The following CHD1L variants were observed in gnomAD, a reference collection of about 807,000 sequenced individuals.
The protein encoded by CHD1L is ATP-dependent chromatin remodeler CHD1L.
A neutral mutation model predicts 115.9 loss-of-function variants in CHD1L; 118 were observed. That is an observed-to-expected ratio of 1.02 (90% confidence interval 0.88 to 1.19). The LOEUF is 1.19. Among genes scored for constraint, CHD1L ranks in the 50% most tolerant of loss-of-function variants. The pLI is 0.00. For missense variants in CHD1L, 1,179 were observed against 1,065.3 expected, an observed-to-expected ratio of 1.11 and a Z score of -1.49; for synonymous variants, 411 against 387.1, an observed-to-expected ratio of 1.06 and a Z score of -0.72.
At chr1:147,191,786 G>C in the CHD1L span, among the ~76,000 whole-genome samples, 10 of 151,976 alleles carry the variant, frequency 6.6e-5, no homozygotes, top group Admixed American at 5.9e-4. Context: ...CCCATTTCTT[G>C]TTTTTGTCAG....
chr1:147,280,159 C>T lies in CHD1L; in HGVS notation c.1673C>T (p.Ala558Val), dbSNP rs1559853518. ...TGGGTCTCTGATGCCTTGCCTGCAG[C>T]AGAAGGAGGGAGCAGAGATCAAGAG... ...GQWVSDALPA[A>V]EGGSRDQEEG... Residue 558 changes from alanine (A) to valine (V), a missense_variant, in exon 15 of 23, where the codon GCA becomes GTA. Physicochemically the swap from Ala to Val is moderately conservative, Grantham distance 64 (BLOSUM62 0). Transcript: ENST00000369258. 1.9e-6 allele frequency: 3 copies of T among 1,610,684 alleles called. No individual in the cohort carries two copies. The Admixed American group carries it at 5.0e-5, about 27-fold the overall frequency.
In CHD1L at chr1:147,294,599, C is replaced by T. The variant is rs186594587; in HGVS notation, c.2615+82C>T. 3.7e-4 allele frequency: 407 copies of T among 1,086,776 alleles called. 3 individuals are homozygous for T. Among genetic ancestry groups the T allele is most frequent in the Admixed American group, 1.0e-3 (45 of 45,150 alleles). 67.3% of individuals were successfully genotyped at this position (1,086,776 alleles called of 1,614,324 possible). On this transcript the variant is annotated intron_variant, in intron 22 of 22. Coordinates refer to ENST00000369258, the MANE Select transcript of CHD1L (RefSeq NM_004284.6). Reference sequence around the variant, plus strand: ...CATTTTCTGGTGTCAGTTCTTAATCCAAGACCAAGTTTCTTCCTGCCACAG... The same window carrying T: ...CATTTTCTGGTGTCAGTTCTTAATCTAAGACCAAGTTTCTTCCTGCCACAG...
chr1:147,237,096 G>A, the CHD1L span, among the ~76,000 whole-genome samples: 9 of 152,302 alleles, frequency 5.9e-5, no homozygotes, highest in South Asian at 2.1e-4. Flanking sequence ...TCCTGAGGGG[G>A]CCAAAGCCAT....
At chr1:147,265,015 G>C (rs1441917901) in intron 7 of CHD1L, among the ~76,000 whole-genome samples, 1 of 152,140 alleles carries the variant, frequency 6.6e-6, no homozygotes, top group East Asian at 1.9e-4. Flanking sequence ...CAGAATTCTG[G>C]GATGGGAACC....
chr1:147,253,104 G>C (rs746244136), intron 2 of CHD1L, among the ~76,000 whole-genome samples: 6 of 152,176 alleles, frequency 3.9e-5, no homozygotes, highest in Non-Finnish European at 8.8e-5. Flanking sequence ...TTCTTGTAGT[G>C]TCATTATCTA....
intron 12 of CHD1L, among the ~76,000 whole-genome samples, chr1:147,273,098 G>T (rs879987307): frequency 6.6e-6 from 1 of 152,140 alleles, no homozygotes; most frequent in Non-Finnish European, 1.5e-5. Context: ...AACTACTACG[G>T]AGGCTGAGGC....
intron 19 of CHD1L, among the ~76,000 whole-genome samples, chr1:147,288,322 C>CATAAAA (rs1452486110): frequency 0.035 from 3,066 of 87,648 alleles, 273 homozygotes; most frequent in African/African-American, 0.093. Flanking sequence ...GACCCTGTTT[C>CATAAAA]AATAAAAAAA....
chr1:147,275,521 T>C (rs1678052913), intron 13 of CHD1L, 53 bp downstream of exon 13: 1 of 1,373,172 alleles, frequency 7.3e-7, no homozygotes, highest in African/African-American at 1.4e-5. Context: ...TTCTGGGTTG[T>C]GAAAAAGGTG....
At chr1:147,284,322 A>G (rs1195366969) in intron 15 of CHD1L, 29 bp from the exon 16 acceptor site, 2 of 1,515,124 alleles carry the variant, frequency 1.3e-6, no homozygotes, top group Non-Finnish European at 8.9e-7. Flanking sequence ...GGTATCTAAC[A>G]TTTCTCTCTT....
At chr1:147,234,221 G>A in the CHD1L span, among the ~76,000 whole-genome samples, 5 of 152,266 alleles carry the variant, frequency 3.3e-5, no homozygotes, top group South Asian at 2.1e-4. Flanking sequence ...CCCAGAGCTC[G>A]GAGCCTTCGC....
At chr1:147,258,969 TC>T (rs1671021297) in intron 5 of CHD1L, 1 of 152,230 alleles carries the variant, frequency 6.6e-6, no homozygotes, top group African/African-American at 2.4e-5. Context: ...TTTTTATTAT[TC>T]TATAGGCCTT....
chr1:147,224,720 C>G, the CHD1L span, among the ~76,000 whole-genome samples: 29 of 152,076 alleles, frequency 1.9e-4, no homozygotes, highest in African/African-American at 5.8e-4. Flanking sequence ...CCGTGTTAGC[C>G]AGGATGGTCT....
At chr1:147,189,350 G>GAATTTAGA in the CHD1L span, among the ~76,000 whole-genome samples, 1 of 152,012 alleles carries the variant, frequency 6.6e-6, no homozygotes, top group East Asian at 1.9e-4. Flanking sequence ...CAAAAGGTGA[G>GAATTTAGA]AATTTAGAAA....
chr1:147,182,589 G>A, the CHD1L span, among the ~76,000 whole-genome samples: 1 of 152,208 alleles, frequency 6.6e-6, no homozygotes, highest in Admixed American at 6.5e-5. Flanking sequence ...ACCTACATCA[G>A]TGTTAAAACC....
chr1:147,213,274 G>A, the CHD1L span: 1 of 1,575,074 alleles, frequency 6.3e-7, no homozygotes, highest in Non-Finnish European at 8.6e-7. Context: ...CACAGGCATG[G>A]GTCAAGGGTC....
At chr1:147,198,316 T>C in the CHD1L span, among the ~76,000 whole-genome samples, 1 of 152,112 alleles carries the variant, frequency 6.6e-6, no homozygotes, top group Non-Finnish European at 1.5e-5. Flanking sequence ...AGGCTTGCAA[T>C]ACAAAGGCAA....
At chr1:147,179,637 C>G in the CHD1L span, 1 of 1,417,814 alleles carries the variant, frequency 7.1e-7, no homozygotes, top group Non-Finnish European at 9.9e-7. Context: ...AAGCAGTAGG[C>G]AAACACCACT....
chr1:147,274,730 A>G (rs1571976426), intron 12 of CHD1L, among the ~76,000 whole-genome samples: 1 of 152,056 alleles, frequency 6.6e-6, no homozygotes. Flanking sequence ...AGAGTAAATG[A>G]CAAGAGTGTT....
At chr1:147,285,060 A>G (rs1553964474) in intron 16 of CHD1L, among the ~76,000 whole-genome samples, 1 of 152,214 alleles carries the variant, frequency 6.6e-6, no homozygotes, top group Non-Finnish European at 1.5e-5. Flanking sequence ...ATTCCTAATG[A>G]AATGAATCAA....
Sources: allele counts gnomAD v4.1 joint callset (sites outside exome capture counted in the v4.1 genomes callset), GRCh38; gene constraint gnomAD v4.1.1; transcripts MANE v1.5; gene names NCBI Gene and HGNC (gene_info 2026-07-23, HGNC 2026-07-21).